CHN2: variants seen among roughly 807,000 people sequenced by gnomAD.
CHN2 encodes the protein beta-chimaerin.
CHN2 carries 35 observed loss-of-function variants against 56.3 expected under a neutral mutation model. That is an observed-to-expected ratio of 0.62 (90% CI 0.47 to 0.82). The LOEUF (loss-of-function observed/expected upper bound fraction) is 0.82. Among genes scored for constraint, CHN2 ranks in the 40% least tolerant of loss-of-function variants. The probability of loss-of-function intolerance (pLI) is 0.00; values close to 1 mark genes in which losing one functional copy is unlikely to be tolerated. For missense variants in CHN2, 491 were observed against 580.5 expected, an observed-to-expected ratio of 0.85 and a Z score of 1.58; for synonymous variants, 210 against 212.8, an observed-to-expected ratio of 0.99 and a Z score of 0.12.
Position 29,514,325 on chromosome 7 carries a change from A to G in CHN2, c.*1590A>G, listed in dbSNP as rs572643709. Reference sequence around the variant, plus strand: ...TCACATGTATTAAATTCTTCTGTCTATTATTCTGGAGTATGTGCAAGAAAG... The same window carrying G: ...TCACATGTATTAAATTCTTCTGTCTGTTATTCTGGAGTATGTGCAAGAAAG... On this transcript the variant is annotated 3_prime_UTR_variant, in exon 13 of 13. Coordinates refer to ENST00000222792, the MANE Select transcript of CHN2 (RefSeq NM_004067.4). 1 of 152,632 alleles carries G rather than the reference A, an allele frequency of 6.6e-6. No homozygotes were observed. The highest frequency in any genetic ancestry group is 6.5e-5 in the Admixed American group (1 of 15,288). 9.5% of individuals were successfully genotyped at this position (152,632 alleles called of 1,614,324 possible).
chr7:29,315,281 G>T lies in CHN2; in HGVS notation c.50-39344G>T, dbSNP rs1054863090. 6.6e-5 allele frequency among the ~76,000 whole-genome samples: 10 copies of T among 152,248 alleles called. No individual in the cohort carries two copies. The South Asian group carries it at 1.0e-3, about 16-fold the overall frequency. On this transcript the variant is annotated intron_variant, in intron 1 of 12. Coordinates refer to ENST00000222792, the MANE Select transcript of CHN2 (RefSeq NM_004067.4). ...ATGTCAAAATTGCCTGGCAAATCCT[G>T]CTTATTTTGATCTGCTCCATCTTTC...
rs5883217 is a variant in CHN2 at position 29,494,950 on chromosome 7, T to TAAAAAAAAAAAAAAAAAAA, written c.655-989_655-971dup. 2.2e-4 allele frequency among the ~76,000 whole-genome samples: 14 copies of TAAAAAAAAAAAAAAAAAAA among 64,658 alleles called. 1 individual carries two copies. The highest frequency in any genetic ancestry group is 3.7e-4 in the Non-Finnish European group (13 of 35,350). The allele number at this position is 64,658 out of a possible 152,430, so 42.4% of individuals were successfully genotyped here. On this transcript the variant is annotated intron_variant, in intron 7 of 12. Coordinates refer to ENST00000222792, the MANE Select transcript of CHN2 (RefSeq NM_004067.4). ...TTTTTTGTTAAATAAAAGCAGTTTG[T>TAAAAAAAAAAAAAAAAAAA]AAAAAAAAAAAAAAAAAAAAAAAAA... is the stretch of plus-strand genomic sequence containing the variant.
At chr7:29,321,240 G>C (rs1433639412) in intron 1 of CHN2, among the ~76,000 whole-genome samples, 5 of 152,152 alleles carry the variant, frequency 3.3e-5, no homozygotes, top group African/African-American at 1.2e-4. Context: ...CTTATTGCAG[G>C]TGAGTAGAGA....
chr7:29,458,151 T>C (rs1376325257), intron 6 of CHN2, among the ~76,000 whole-genome samples: 1 of 152,208 alleles, frequency 6.6e-6, no homozygotes, highest in Non-Finnish European at 1.5e-5. Context: ...ATTTAAAACT[T>C]TCCCAATGGA....
chr7:29,201,742 T>C (rs903190728), intron 1 of CHN2, among the ~76,000 whole-genome samples: 1 of 152,200 alleles, frequency 6.6e-6, no homozygotes, highest in South Asian at 2.1e-4. Context: ...CAAAACATTT[T>C]TATCATTTTT....
At chr7:29,512,159 A>T (rs1274150575) in intron 12 of CHN2, among the ~76,000 whole-genome samples, 1 of 150,422 alleles carries the variant, frequency 6.6e-6, no homozygotes, top group African/African-American at 2.4e-5. Flanking sequence ...CAGCATACAG[A>T]CCAGCAGGAA....
At chr7:29,158,213 A>G (rs1036232797) in intron 2 of CHN2, among the ~76,000 whole-genome samples, 1 of 152,224 alleles carries the variant, frequency 6.6e-6, no homozygotes, top group Non-Finnish European at 1.5e-5. Flanking sequence ...ATGAATGTCT[A>G]CAATCAAGGA....
intron 12 of CHN2, 71 bp from the exon 13 acceptor site, chr7:29,512,493 A>G: frequency 7.4e-7 from 1 of 1,349,910 alleles, no homozygotes; most frequent in African/African-American, 1.5e-5. Flanking sequence ...CGGGACTTAC[A>G]TACATAATCA....
intron 8 of CHN2, among the ~76,000 whole-genome samples, chr7:29,497,534 G>C (rs1789435854): frequency 6.6e-6 from 1 of 151,646 alleles, no homozygotes. Flanking sequence ...CATATTGTTA[G>C]TATTTTCCAA....
At chr7:29,321,570 C>CT (rs59651474) in intron 1 of CHN2, among the ~76,000 whole-genome samples, 28,990 of 128,010 alleles carry the variant, frequency 0.23, 3,584 homozygotes, top group Non-Finnish European at 0.29. Context: ...TTCTTTCTTT[C>CT]TTTTTTTTTT....
At chr7:29,384,371 T>C (rs1479367542) in intron 3 of CHN2, among the ~76,000 whole-genome samples, 1 of 152,160 alleles carries the variant, frequency 6.6e-6, no homozygotes. Flanking sequence ...CTCTGCATGA[T>C]CTTCAAGTAA....
chr7:29,357,871 G>A (rs771400259), intron 2 of CHN2, among the ~76,000 whole-genome samples: 6 of 152,136 alleles, frequency 3.9e-5, no homozygotes, highest in African/African-American at 7.2e-5. Flanking sequence ...TGGTAAACCC[G>A]TTGTGAACCC....
At chr7:29,229,253 T>A (rs1584799735) in intron 1 of CHN2, among the ~76,000 whole-genome samples, 1 of 152,306 alleles carries the variant, frequency 6.6e-6, no homozygotes, top group African/African-American at 2.4e-5. Context: ...TTACCTTATC[T>A]AAAAATACTT....
chr7:29,289,494 G>A (rs1792413654), intron 1 of CHN2, among the ~76,000 whole-genome samples: 1 of 152,156 alleles, frequency 6.6e-6, no homozygotes, highest in African/African-American at 2.4e-5. Context: ...CGACGGGAGA[G>A]GGAGGCACAC....
intron 1 of CHN2, among the ~76,000 whole-genome samples, chr7:29,224,360 TAGTTA>T (rs1488396820): frequency 6.6e-6 from 1 of 152,262 alleles, no homozygotes; most frequent in Non-Finnish European, 1.5e-5. Flanking sequence ...TGTTAAATTT[TAGTTA>T]AGTTATATTC....
chr7:29,240,126 A>G (rs567959886), intron 1 of CHN2, among the ~76,000 whole-genome samples: 7 of 152,244 alleles, frequency 4.6e-5, no homozygotes, highest in African/African-American at 7.2e-5. Flanking sequence ...GATGGAGCCA[A>G]TTGAGGTATC....
At chr7:29,345,632 G>A (rs1176909784) in intron 1 of CHN2, among the ~76,000 whole-genome samples, 1 of 152,106 alleles carries the variant, frequency 6.6e-6, no homozygotes, top group African/African-American at 2.4e-5. Context: ...GCTGACCGGG[G>A]GCCAGATCGT....
intron 6 of CHN2, among the ~76,000 whole-genome samples, chr7:29,437,597 C>CAAAAAAAAAAAAAAAAAAAAAAAA (rs11436612): frequency 5.7e-5 from 3 of 52,606 alleles, no homozygotes; most frequent in East Asian, 4.2e-4. Context: ...GACTCCGTCT[C>CAAAAAAAAAAAAAAAAAAAAAAAA]AAAAAAAAAA....
At position 29,195,145 on chromosome 7, in the gene CHN2, A is replaced by G. The variant is rs1783513729; in HGVS notation, c.49+155A>G. 11 of 703,048 alleles carry G rather than the reference A, an allele frequency of 1.6e-5. 1 individual carries two copies. Among genetic ancestry groups the G allele is most frequent in the Middle Eastern group, 4.0e-4 (1 of 2,506 alleles). The allele number at this position is 703,048 out of a possible 1,614,324, so 43.6% of individuals were successfully genotyped here. A position where few individuals can be genotyped will look rare whatever the true frequency, so the allele number is the denominator to read the frequency against. On this transcript the variant is annotated intron_variant, in intron 1 of 12. Transcript: ENST00000222792. ...CGGGGTGATACTTGTTTGGTTCGCC[A>G]GCACCTCGGTGCCCAGAGCACCTCC...
Sources: gnomAD v4.1 joint callset for allele counts (sites outside exome capture counted in the v4.1 genomes callset) on GRCh38, gnomAD v4.1.1 for gene constraint, MANE v1.5 for transcripts, NCBI Gene and HGNC (gene_info 2026-07-23, HGNC 2026-07-21) for gene names.